Variants in CASD1 observed in about 807,000 individuals in gnomAD.
CASD1 encodes CAS1 domain sialic acid O acetyltransferase 1, also known as N-acetylneuraminate (7)9-O-acetyltransferase.
A neutral mutation model predicts 100.0 loss-of-function variants in CASD1; 41 were observed. That is an observed-to-expected ratio of 0.41 (90% CI 0.32 to 0.53). CASD1 has a LOEUF of 0.53. Ranked by LOEUF, CASD1 falls within the 20% of genes least tolerant of loss-of-function variation. The pLI, the probability that CASD1 is intolerant of heterozygous loss-of-function variation, is 0.25. For missense variants in CASD1, 774 were observed against 948.7 expected (o/e 0.82, Z 2.42); for synonymous variants, 321 against 315.6 (o/e 1.02, Z -0.18).
chr7:94,539,208 C>T (rs1795265265), intron 10 of CASD1, 152 bp downstream of exon 10: 1 of 430,332 alleles, frequency 2.3e-6, no homozygotes, highest in Non-Finnish European at 4.1e-6. Context: ...CCATTTTTCT[C>T]CTCTTTGAGA....
chr7:94,519,329 G>T (rs189479588), intron 3 of CASD1, among the ~76,000 whole-genome samples: 20 of 152,230 alleles, frequency 1.3e-4, no homozygotes, highest in Admixed American at 1.0e-3. Flanking sequence ...AATAGCAAAG[G>T]GGGGAAAGTC....
At chr7:94,586,825 G>A in the CASD1 span, 1 of 985,176 alleles carries the variant, frequency 1.0e-6, no homozygotes, top group Non-Finnish European at 1.2e-6. Flanking sequence ...AAATGTACCA[G>A]AGGCACAAAC....
At chr7:94,539,680 A>AG (rs1343721725) in intron 10 of CASD1, among the ~76,000 whole-genome samples, 1 of 151,878 alleles carries the variant, frequency 6.6e-6, no homozygotes, top group South Asian at 2.1e-4. Context: ...AAAAAAAAAA[A>AG]AAAAGAAAAA....
At chr7:94,564,076 C>G in the CASD1 span, among the ~76,000 whole-genome samples, 1 of 151,866 alleles carries the variant, frequency 6.6e-6, no homozygotes, top group Admixed American at 6.6e-5. Flanking sequence ...TATTTTATGA[C>G]ACAGCAAAAG....
At chr7:94,575,715 ATTC>A in the CASD1 span, among the ~76,000 whole-genome samples, 2 of 152,146 alleles carry the variant, frequency 1.3e-5, no homozygotes, top group African/African-American at 2.4e-5. Context: ...AATGTCTTAA[ATTC>A]TTCTTCAGTT....
At chr7:94,614,939 TTTG>T in the CASD1 span, among the ~76,000 whole-genome samples, 3 of 152,222 alleles carry the variant, frequency 2.0e-5, no homozygotes, top group Non-Finnish European at 4.4e-5. Context: ...CATTTGTTTT[TTTG>T]TTATAAAAAT....
At chr7:94,570,995 G>T in the CASD1 span, among the ~76,000 whole-genome samples, 1 of 150,692 alleles carries the variant, frequency 6.6e-6, no homozygotes, top group Admixed American at 6.6e-5. Context: ...CTATTGGTAA[G>T]AGAATGCTTC....
the CASD1 span, among the ~76,000 whole-genome samples, chr7:94,614,106 T>TTAAAAA: frequency 1.8e-5 from 1 of 55,168 alleles, no homozygotes; most frequent in African/African-American, 8.6e-5. Context: ...CAAATTGAAA[T>TTAAAAA]CAAAAAAAAA....
At chr7:94,596,208 T>C in the CASD1 span, among the ~76,000 whole-genome samples, 5 of 152,138 alleles carry the variant, frequency 3.3e-5, no homozygotes, top group Non-Finnish European at 1.5e-5. Flanking sequence ...ATCCATTTGG[T>C]GTAAACTAGA....
At chr7:94,545,801 A>AC in intron 12 of CASD1, 100 bp downstream of exon 12, 1 of 686,342 alleles carries the variant, frequency 1.5e-6, no homozygotes. Context: ...AGTGATGTAG[A>AC]CAGTTTAAAT....
the CASD1 span, chr7:94,618,949 C>T: frequency 4.4e-5 from 71 of 1,612,006 alleles, no homozygotes; most frequent in South Asian, 7.7e-5. Flanking sequence ...GATATGGCAA[C>T]GGGAAGTCTA....
chr7:94,580,703 G>C, the CASD1 span, among the ~76,000 whole-genome samples: 1 of 152,140 alleles, frequency 6.6e-6, no homozygotes, highest in African/African-American at 2.4e-5. Flanking sequence ...CTCATCTTAG[G>C]CTGCAAAGCC....
At chr7:94,611,295 T>C in the CASD1 span, among the ~76,000 whole-genome samples, 69 of 152,280 alleles carry the variant, frequency 4.5e-4, 1 homozygote, top group East Asian at 4.8e-3. Context: ...ATCCATAAAA[T>C]AGAATATTAT....
At chr7:94,544,708 G>A (rs1251452898) in intron 11 of CASD1, among the ~76,000 whole-genome samples, 178 bp downstream of exon 11, 3 of 152,070 alleles carry the variant, frequency 2.0e-5, no homozygotes, top group African/African-American at 7.2e-5. Flanking sequence ...TAAATTATTA[G>A]TGAAAGAAGG....
the CASD1 span, among the ~76,000 whole-genome samples, chr7:94,632,951 C>T: frequency 6.6e-6 from 1 of 152,058 alleles, no homozygotes. Flanking sequence ...CCAGGCAGCA[C>T]TCACAAACCA....
the CASD1 span, chr7:94,587,293 A>G: frequency 2.0e-6 from 2 of 990,974 alleles, no homozygotes; most frequent in Non-Finnish European, 2.4e-6. Flanking sequence ...CATCTACTCA[A>G]GTTTCCTAAT....
chr7:94,552,104 C>A, intron 15 of CASD1: 2 of 424,286 alleles, frequency 4.7e-6, no homozygotes, highest in South Asian at 4.2e-5. Context: ...CCATCACTGC[C>A]TTTTGATCAC....
At chr7:94,518,395 G>A in intron 3 of CASD1, 72 bp downstream of exon 3, 1 of 1,329,706 alleles carries the variant, frequency 7.5e-7, no homozygotes, top group Non-Finnish European at 1.0e-6. Flanking sequence ...GGAGGAGTGT[G>A]TCTCTCCAGA....
the CASD1 span, among the ~76,000 whole-genome samples, chr7:94,592,437 G>A: frequency 2.2e-4 from 33 of 152,216 alleles, no homozygotes; most frequent in African/African-American, 7.9e-4. Flanking sequence ...CCTTAATGAA[G>A]TCATAAAACA....
Sources: gnomAD v4.1 joint callset for allele counts (sites outside exome capture counted in the v4.1 genomes callset) on GRCh38, gnomAD v4.1.1 for gene constraint, MANE v1.5 for transcripts, NCBI Gene and HGNC (gene_info 2026-07-23, HGNC 2026-07-21) for gene names.